Variants in ADORA3 observed in about 807,000 individuals in gnomAD.
ADORA3 encodes adenosine receptor A3.
A neutral mutation model predicts 5.7 loss-of-function variants in ADORA3; 3 were observed. The ratio of observed to expected loss-of-function variants is 0.52; its 90% confidence interval spans 0.24 to 1.35. The LOEUF (loss-of-function observed/expected upper bound fraction) is 1.35. ADORA3 is among the 40% of genes most tolerant of loss of function. ADORA3 has a pLI of 0.17. For synonymous variants in ADORA3, 168 were observed against 152.3 expected (o/e 1.10, Z -0.76); for missense variants, 343 against 389.0 (o/e 0.88, Z 0.99).
chr1:111,500,217 C>T lies in ADORA3; in HGVS notation c.690G>A (p.Lys230=). ...AFYGREFKTA[K]SLFLVLFLFA... ...ACAAGAAAAGAACCAGAAACAAGGA[C>T]TTAGCCGTCTTGAACTCCCGTCCAT... Residue 230 remains lysine, a synonymous_variant, in exon 2 of 2, where the codon AAG becomes AAA. Transcript: ENST00000241356. 5.0e-6 allele frequency: 8 copies of T among 1,614,146 alleles called. No individual in the cohort carries two copies. Among genetic ancestry groups the T allele is most frequent in the Non-Finnish European group, 6.8e-6 (8 of 1,180,032 alleles).
Position 111,500,086 on chromosome 1 carries a change from T to A in ADORA3, c.821A>T (p.Asn274Ile). The change falls in exon 2 of 2, where the codon AAC becomes ATC. Residue 274 changes from asparagine (N) to isoleucine (I), a missense_variant. Physicochemically the swap from Asn to Ile is moderately radical, Grantham distance 149 (BLOSUM62 -3). Transcript: ENST00000241356. The stretch of plus-strand genomic sequence containing the variant: ...ATAGACGATAGGGTTCATCATGGAG[T>A]TGGCATGGGACAGCAGGATGCCCAT... Reference protein sequence around the residue: ...LYMGILLSHANSMMNPIVYAY... With the variant: ...LYMGILLSHAISMMNPIVYAY... 1 of 1,614,184 alleles carries A rather than the reference T, an allele frequency of 6.2e-7. No individual in the cohort carries two copies. Among genetic ancestry groups the A allele is most frequent in the Non-Finnish European group, 8.5e-7 (1 of 1,180,030 alleles).
rs545014616 is a variant in ADORA3, at chr1:111,501,697, C to G, written c.351-1141G>C. On this transcript the variant is annotated intron_variant, in intron 1 of 1. Transcript: ENST00000241356. ...CAAGGTAAGTCTGAGTTCCGAGCAT[C>G]GTAACCACTGTGATACAGAGTGGAA... Among the ~76,000 whole-genome samples, 9 of 152,156 alleles carry G rather than the reference C, an allele frequency of 5.9e-5. No individual in the cohort carries two copies. The East Asian group carries it at 1.5e-3, about 26-fold the overall frequency.
chr1:111,499,890 C>T lies in ADORA3; in HGVS notation c.*60G>A. Reference sequence around the variant, plus strand: ...CCCTTGGCCCAGGCATACAGGCCCTCAAGTGTTTGTTGATGGGGAATCTGA... The same window carrying T: ...CCCTTGGCCCAGGCATACAGGCCCTTAAGTGTTTGTTGATGGGGAATCTGA... On this transcript the variant is annotated 3_prime_UTR_variant, in exon 2 of 2. Coordinates refer to ENST00000241356, the MANE Select transcript of ADORA3 (RefSeq NM_000677.4). 6.3e-7 allele frequency: 1 copy of T among 1,584,328 alleles called. No homozygotes were observed. The highest frequency in any genetic ancestry group is 8.6e-7 in the Non-Finnish European group (1 of 1,165,066).
chr1:111,500,537 G>C lies in ADORA3; in HGVS notation c.370C>G (p.His124Asp). The change falls in exon 2 of 2, where the codon CAC (histidine) becomes GAC (aspartate). Residue 124 changes from histidine to aspartate, a missense_variant. His to Asp is a moderately conservative substitution (Grantham distance 81). Transcript: ENST00000241356. The part of the protein sequence containing the change: ...LTVRYKRVTT[H>D]RRIWLALGLC... ...CCCAGGGCCAGCCATATTCTTCTGT[G>C]AGTGGTGACCCTCTTGTATCTGTGT... 6.2e-7 allele frequency: 1 copy of C among 1,614,174 alleles called. No individual in the cohort carries two copies.
In ADORA3 at chr1:111,499,966, T is replaced by G; in HGVS notation, c.941A>C (p.Glu314Ala). 3 of 1,614,038 alleles carry G rather than the reference T, an allele frequency of 1.9e-6. No individual in the cohort carries two copies. Among genetic ancestry groups the G allele is most frequent in the Non-Finnish European group, 2.5e-6 (3 of 1,179,952 alleles). The change falls in exon 2 of 2, where the codon GAG becomes GCG. Residue 314 changes from glutamate (E) to alanine (A), a missense_variant. Glu to Ala is a moderately radical substitution (Grantham distance 107, BLOSUM62 -1). Coordinates refer to ENST00000241356, the MANE Select transcript of ADORA3 (RefSeq NM_000677.4). ...HPSDSLDTSI[E>A]KNSE is the part of the protein sequence containing the mutation. ...GATGGATAACTACTCAGAATTCTTCTCAATGCTTGTGTCCAAAGAATCAGA... is the reference window on the plus strand; with the variant it reads ...GATGGATAACTACTCAGAATTCTTCGCAATGCTTGTGTCCAAAGAATCAGA...
rs1410092565 is a variant in ADORA3, at chr1:111,500,016, G to A, written c.891C>T (p.Leu297=). Residue 297 remains leucine, a synonymous_variant, in exon 2 of 2, where the codon CTC becomes CTT. Coordinates refer to ENST00000241356, the MANE Select transcript of ADORA3 (RefSeq NM_000677.4). Reference sequence around the variant, plus strand: ...AGGGATGGCAGACCACACAAGCTTTGAGGATCAAAAGGTAGGTTTCCTTGA... The same window carrying A: ...AGGGATGGCAGACCACACAAGCTTTAAGGATCAAAAGGTAGGTTTCCTTGA... ...KKFKETYLLI[L]KACVVCHPSD... is the part of the protein sequence containing the mutation. 6.2e-7 allele frequency: 1 copy of A among 1,614,058 alleles called. No homozygotes were observed. The highest frequency in any genetic ancestry group is 8.5e-7 in the Non-Finnish European group (1 of 1,180,010).
In ADORA3 at chr1:111,500,358, G is replaced by T; in HGVS notation, c.549C>A (p.Leu183=). The part of the protein sequence containing the change: ...RMDYMVYFSF[L]TWIFIPLVVM... ...CAACCAGGGGGATGAAAATCCAGGT[G>T]AGGAAGCTGAAGTATACCATGTAGT... is the stretch of plus-strand genomic sequence containing the variant. Residue 183 remains leucine, a synonymous_variant, in exon 2 of 2, where the codon CTC becomes CTA. Transcript: ENST00000241356. 6.2e-7 allele frequency: 1 copy of T among 1,614,218 alleles called. No homozygotes were observed. Among genetic ancestry groups the T allele is most frequent in the South Asian group, 1.1e-5 (1 of 91,090 alleles).
rs1349761964 is a variant in ADORA3 at position 111,500,355 on chromosome 1, G to C, written c.552C>G (p.Thr184=). The change falls in exon 2 of 2, where the codon ACC becomes ACG. Residue 184 remains threonine (T), a synonymous_variant. Transcript: ENST00000241356. ...MDYMVYFSFL[T]WIFIPLVVMC... is the part of the protein sequence containing the mutation. Reference sequence around the variant, plus strand: ...TGACAACCAGGGGGATGAAAATCCAGGTGAGGAAGCTGAAGTATACCATGT... The same window carrying C: ...TGACAACCAGGGGGATGAAAATCCACGTGAGGAAGCTGAAGTATACCATGT... 1 of 1,614,088 alleles carries C rather than the reference G, an allele frequency of 6.2e-7. No individual in the cohort carries two copies. Among genetic ancestry groups the C allele is most frequent in the Non-Finnish European group, 8.5e-7 (1 of 1,180,040 alleles).
Position 111,500,165 on chromosome 1 carries a change from T to G in ADORA3, c.742A>C (p.Ile248Leu), listed in dbSNP as rs35511654. Residue 248 changes from isoleucine to leucine, a missense_variant, in exon 2 of 2, where the codon ATC (isoleucine) becomes CTC (leucine). Physicochemically the swap from Ile to Leu is conservative, Grantham distance 5. Transcript: ENST00000241356. ...LFALSWLPLSIINCIIYFNGE... is the reference protein window; with the variant it reads ...LFALSWLPLSLINCIIYFNGE... ...TTAAAGTAGATGATGCAGTTGATGA[T>G]AGATAAAGGCAGCCATGACAGAGCA... 0.12 allele frequency: 191,510 copies of G among 1,614,070 alleles called. 12,665 individuals carry two copies. Among genetic ancestry groups the G allele is most frequent in the Middle Eastern group, 0.18 (1,082 of 6,062 alleles).
chr1:111,502,480 A>G (rs28651435), intron 1 of ADORA3, among the ~76,000 whole-genome samples: 3,906 of 131,748 alleles, frequency 0.03, 186 homozygotes, highest in Non-Finnish European at 0.033. Context: ...TTATTATAAT[A>G]AATATATATA....
chr1:111,501,657 G>A (rs376560928), intron 1 of ADORA3, among the ~76,000 whole-genome samples: 1 of 152,074 alleles, frequency 6.6e-6, no homozygotes, highest in Non-Finnish European at 1.5e-5. Context: ...AGAAGTGGTG[G>A]GGCTAAAACT....
rs1415621351 is a variant in ADORA3 at position 111,500,155 on chromosome 1, C to A, written c.752G>T (p.Cys251Phe). The stretch of plus-strand genomic sequence containing the variant: ...TACCTCACCATTAAAGTAGATGATG[C>A]AGTTGATGATAGATAAAGGCAGCCA... The part of the protein sequence containing the change: ...LSWLPLSIIN[C>F]IIYFNGEVPQ... Residue 251 changes from cysteine (C) to phenylalanine (F), a missense_variant, in exon 2 of 2, where the codon TGC becomes TTC. Transcript: ENST00000241356. 6.2e-7 allele frequency: 1 copy of A among 1,613,964 alleles called. No homozygotes were observed. The highest frequency in any genetic ancestry group is 1.3e-5 in the African/African-American group (1 of 74,868).
chr1:111,500,869 T>C (rs1327634013), intron 1 of ADORA3: 15 of 465,458 alleles, frequency 3.2e-5, no homozygotes, highest in Non-Finnish European at 5.7e-5. Context: ...CGTGCTCCAC[T>C]CAGGGCTCCA....
chr1:111,502,339 T>C (rs1246784842), intron 1 of ADORA3, among the ~76,000 whole-genome samples: 11 of 139,376 alleles, frequency 7.9e-5, no homozygotes, highest in African/African-American at 2.4e-4. Context: ...TACATATATT[T>C]ATTATAATGA....
chr1:111,499,726 G>GTGTAGATCTCGGTGGTA lies in ADORA3; in HGVS notation c.*223_*224insTACCACCGAGATCTACA. On this transcript the variant is annotated 3_prime_UTR_variant, in exon 2 of 2. Coordinates refer to ENST00000241356, the MANE Select transcript of ADORA3 (RefSeq NM_000677.4). ...TCAATAATACGTTGTCCCCAAGTCA[G>GTGTAGATCTCGGTGGTA]GCCTCCAAAACACTGAATTAGAGAG... The GTGTAGATCTCGGTGGTA allele has an allele frequency of 7.3e-7, 1 of 1,372,726 alleles. No homozygotes were observed. The highest frequency in any genetic ancestry group is 9.4e-7 in the Non-Finnish European group (1 of 1,061,656). 85.0% of individuals were successfully genotyped at this position (1,372,726 alleles called of 1,614,324 possible). A position where few individuals can be genotyped will look rare whatever the true frequency, so the allele number is the denominator to read the frequency against.
In ADORA3 at chr1:111,503,278, G is replaced by A. The variant is rs1393894452; in HGVS notation, c.77C>T (p.Ala26Val). 2 of 1,614,102 alleles carry A rather than the reference G, an allele frequency of 1.2e-6. No individual in the cohort carries two copies. The highest frequency in any genetic ancestry group is 4.5e-5 in the East Asian group (2 of 44,904). ...GATGACCAGCACGTTGCCCACTATG[G>A]CGCAGAGTCCAATGAAAATTTCCAT... ...ITMEIFIGLC[A>V]IVGNVLVICV... Residue 26 changes from alanine (A) to valine (V), a missense_variant, in exon 1 of 2, where the codon GCC (alanine) becomes GTC (valine). By Grantham distance (64) the Ala-to-Val change is moderately conservative (BLOSUM62 0). Transcript: ENST00000241356.
chr1:111,502,192 T>TTC (rs10686710), intron 1 of ADORA3, among the ~76,000 whole-genome samples: 445 of 21,866 alleles, frequency 0.02, 40 homozygotes, highest in African/African-American at 0.048. Flanking sequence ...AGGATATATA[T>TTC]ATTATAATAA....
chr1:111,500,709 T>TCTCTTA, intron 1 of ADORA3, 153 bp from the exon 2 acceptor site: 2 of 708,928 alleles, frequency 2.8e-6, no homozygotes, highest in Non-Finnish European at 4.7e-6. Context: ...ATTGATATCC[T>TCTCTTA]ATGGTGATTC....
In ADORA3 at chr1:111,503,480, C is replaced by T. The variant is rs1655362170; in HGVS notation, c.-126G>A. The stretch of plus-strand genomic sequence containing the variant: ...CATGTGCAGTGACAGTCTAAAATTC[C>T]CAACTTGCTCATTCCTACCCTTTTC... On this transcript the variant is annotated 5_prime_UTR_variant, in exon 1 of 2. Coordinates refer to ENST00000241356, the MANE Select transcript of ADORA3 (RefSeq NM_000677.4). The T allele has an allele frequency of 2.1e-6, 3 of 1,455,834 alleles. No homozygotes were observed. The highest frequency in any genetic ancestry group is 1.8e-6 in the Non-Finnish European group (2 of 1,103,152). The allele number at this position is 1,455,834 out of a possible 1,614,324, so 90.2% of individuals were successfully genotyped here. A position where few individuals can be genotyped will look rare whatever the true frequency, so the allele number is the denominator to read the frequency against.
Sources: gnomAD v4.1 joint callset for allele counts (sites outside exome capture counted in the v4.1 genomes callset) on GRCh38, gnomAD v4.1.1 for gene constraint, MANE v1.5 for transcripts, NCBI Gene and HGNC (gene_info 2026-07-23, HGNC 2026-07-21) for gene names.